The following PUS1 variants were observed in gnomAD, a reference collection of about 807,000 sequenced individuals.
PUS1 encodes pseudouridylate synthase 1 homolog.
A neutral mutation model predicts 38.5 loss-of-function variants in PUS1; 25 were observed. The ratio of observed to expected loss-of-function variants is 0.65; its 90% CI spans 0.47 to 0.91. The LOEUF is 0.91. Ranked by LOEUF, PUS1 falls within the 40% of genes least tolerant of loss-of-function variation. PUS1 has a pLI of 0.00. For missense variants in PUS1, 597 were observed against 612.3 expected, an observed-to-expected ratio of 0.97 and a Z score of 0.26; for synonymous variants, 282 against 260.4, an observed-to-expected ratio of 1.08 and a Z score of -0.80.
intron 3 of PUS1, chr12:131,934,603 C>G (rs1279630860): frequency 6.6e-6 from 1 of 152,066 alleles, no homozygotes; most frequent in African/African-American, 2.4e-5. Flanking sequence ...TCTAGTATAA[C>G]TTTTCTTACT....
chr12:131,934,310 G>A (rs574200975), intron 3 of PUS1, among the ~76,000 whole-genome samples: 2 of 152,180 alleles, frequency 1.3e-5, no homozygotes, highest in African/African-American at 4.8e-5. Flanking sequence ...CTACCCTGGG[G>A]AGAGGGAGAC....
chr12:131,943,789 C>G lies in PUS1; in HGVS notation c.*203C>G, dbSNP rs1303922163. 5 of 575,314 alleles carry G rather than the reference C, an allele frequency of 8.7e-6. No homozygotes were observed. Among genetic ancestry groups the G allele is most frequent in the Admixed American group, 6.0e-5 (2 of 33,488 alleles). The allele number at this position is 575,314 out of a possible 1,614,324, so 35.6% of individuals were successfully genotyped here. ...GCTCTTGCATTGCATAGATGAACCT[C>G]AGCATGTAAAGAACTATTTTTTTAA... On this transcript the variant is annotated 3_prime_UTR_variant, in exon 6 of 6. Coordinates refer to ENST00000376649, the MANE Select transcript of PUS1 (RefSeq NM_025215.6).
chr12:131,943,944 G>T lies in PUS1; in HGVS notation c.*358G>T. The T allele has an allele frequency of 3.2e-6, 1 of 314,068 alleles. No homozygotes were observed. Among genetic ancestry groups the T allele is most frequent in the Non-Finnish European group, 6.2e-6 (1 of 160,304 alleles). The allele number at this position is 314,068 out of a possible 1,614,324, so 19.5% of individuals were successfully genotyped here. A position where few individuals can be genotyped will look rare whatever the true frequency, so the allele number is the denominator to read the frequency against. ...ACAGCATGGTGTCCCGTTGAGAACA[G>T]ATACGGCTGAACAAAAGAGAAAGGC... On this transcript the variant is annotated 3_prime_UTR_variant, in exon 6 of 6. Coordinates refer to ENST00000376649, the MANE Select transcript of PUS1 (RefSeq NM_025215.6).
intron 3 of PUS1, among the ~76,000 whole-genome samples, chr12:131,937,628 G>A (rs550978858): frequency 1.7e-4 from 26 of 152,270 alleles, no homozygotes; most frequent in Admixed American, 1.6e-3. Context: ...CGCCTGCCCC[G>A]GCTTCCCAAA....
intron 3 of PUS1, among the ~76,000 whole-genome samples, chr12:131,935,888 C>T (rs1250909813): frequency 6.6e-6 from 1 of 151,984 alleles, no homozygotes; most frequent in Non-Finnish European, 1.5e-5. Flanking sequence ...GTTTTTGTTT[C>T]AGATTTTAAA....
At chr12:131,940,181 A>G (rs1180940418) in intron 4 of PUS1, among the ~76,000 whole-genome samples, 1 of 151,734 alleles carries the variant, frequency 6.6e-6, no homozygotes, top group African/African-American at 2.4e-5. Flanking sequence ...GGCACACGCC[A>G]CCACAGCCGG....
At chr12:131,936,559 G>A (rs1044221858) in intron 3 of PUS1, among the ~76,000 whole-genome samples, 1 of 144,464 alleles carries the variant, frequency 6.9e-6, no homozygotes, top group African/African-American at 2.8e-5. Flanking sequence ...GTGAAACTCC[G>A]TCTCAAAAAA....
At position 131,943,805 on chromosome 12, in the gene PUS1, A is replaced by G. The variant is rs1255689450; in HGVS notation, c.*219A>G. ...GATGAACCTCAGCATGTAAAGAACT[A>G]TTTTTTTAAAGAAGTGATTTTCTTA... On this transcript the variant is annotated 3_prime_UTR_variant, in exon 6 of 6. Coordinates refer to ENST00000376649, the MANE Select transcript of PUS1 (RefSeq NM_025215.6). 1.8e-5 allele frequency: 10 copies of G among 542,808 alleles called. No individual in the cohort carries two copies. The highest frequency in any genetic ancestry group is 9.3e-5 in the East Asian group (3 of 32,104). The allele number at this position is 542,808 out of a possible 1,614,324, so 33.6% of individuals were successfully genotyped here.
intron 4 of PUS1, 111 bp downstream of exon 4, chr12:131,939,386 T>G: frequency 1.3e-6 from 1 of 777,300 alleles, no homozygotes; most frequent in Non-Finnish European, 2.2e-6. Context: ...AGAAGCGTAG[T>G]CAGAGTTGCT....
At chr12:131,938,106 A>G (rs565453685) in intron 3 of PUS1, among the ~76,000 whole-genome samples, 115 of 152,250 alleles carry the variant, frequency 7.6e-4, no homozygotes, top group African/African-American at 2.6e-3. Context: ...TAGGATCATT[A>G]GTGGCATTCA....
chr12:131,929,806 G>A lies in PUS1; in HGVS notation c.74+10G>A, dbSNP rs1469969867. 17 of 1,571,302 alleles carry A rather than the reference G, an allele frequency of 1.1e-5. No homozygotes were observed. Among genetic ancestry groups the A allele is most frequent in the Non-Finnish European group, 1.5e-5 (17 of 1,169,040 alleles). ...GACCGCGTCCGTCCTGGTAATGACC[G>A]CGACGCCGGGCGACCCCGCTATGCC... On this transcript the variant is annotated intron_variant, in intron 1 of 5. Coordinates refer to ENST00000376649, the MANE Select transcript of PUS1 (RefSeq NM_025215.6).
In PUS1 at chr12:131,929,308, G is replaced by A. The variant is rs889381662; in HGVS notation, c.-415G>A. ...CGCGTCGCGAATGGGGCAGGAGCGA[G>A]CCTCTCTGGTCCCGACGCGGGTGGC... On this transcript the variant is annotated 5_prime_UTR_variant, in exon 1 of 6. Coordinates refer to ENST00000376649, the MANE Select transcript of PUS1 (RefSeq NM_025215.6). 10 of 195,526 alleles carry A rather than the reference G, an allele frequency of 5.1e-5. No individual in the cohort carries two copies. Among genetic ancestry groups the A allele is most frequent in the Non-Finnish European group, 3.1e-5 (3 of 96,674 alleles). 12.1% of individuals were successfully genotyped at this position (195,526 alleles called of 1,614,324 possible).
intron 3 of PUS1, among the ~76,000 whole-genome samples, chr12:131,935,482 T>A (rs1411461497): frequency 2.0e-5 from 3 of 152,196 alleles, no homozygotes; most frequent in Non-Finnish European, 4.4e-5. Flanking sequence ...CACACCCGAG[T>A]GCCCTGCCCT....
chr12:131,938,787 TC>T (rs1890941479), intron 3 of PUS1, among the ~76,000 whole-genome samples: 1 of 150,500 alleles, frequency 6.6e-6, no homozygotes, highest in African/African-American at 2.4e-5. Flanking sequence ...AGTGGCACGA[TC>T]TCAGCTCACT....
Position 131,941,208 on chromosome 12 carries a change from G to C in PUS1, c.545-84G>C. The C allele has an allele frequency of 1.6e-6, 2 of 1,219,850 alleles. No homozygotes were observed. The highest frequency in any genetic ancestry group is 2.4e-6 in the Non-Finnish European group (2 of 840,640). The allele number at this position is 1,219,850 out of a possible 1,614,324, so 75.6% of individuals were successfully genotyped here. A position where few individuals can be genotyped will look rare whatever the true frequency, so the allele number is the denominator to read the frequency against. ...CGGTGCTCTGGGTAAGGAGACGCTG[G>C]GGCTCACGCCGTGCTCAGGCTGCTC... On this transcript the variant is annotated intron_variant, in intron 4 of 5. Transcript: ENST00000376649. This position sits in a 1 kb window ranked among gnomAD's most constrained non-coding sequence, Gnocchi z 4.4.
intron 5 of PUS1, 85 bp from the exon 6 acceptor site, chr12:131,943,454 C>A: frequency 8.7e-7 from 1 of 1,145,640 alleles, no homozygotes; most frequent in Non-Finnish European, 1.3e-6. Context: ...GCTCCTGTGC[C>A]AAGCCTGTCA....
chr12:131,941,442 TCAACA>T lies in PUS1; in HGVS notation c.696_700del (p.Asn233AlafsTer77), dbSNP rs1891060896. ...CTGAGCGCCGAGACGCTGCAGCAGG[TCAACA>T]GGCTCCTGGCCTGCTACAAGGGCAC... On this transcript the variant is annotated frameshift_variant, in exon 5 of 6. Transcript: ENST00000376649. LOFTEE classifies it high-confidence loss of function. This position sits in a 1 kb window ranked among gnomAD's most constrained non-coding sequence, Gnocchi z 4.4. The T allele has an allele frequency of 6.2e-7, 1 of 1,613,082 alleles. No individual in the cohort carries two copies. Among genetic ancestry groups the T allele is most frequent in the Non-Finnish European group, 8.5e-7 (1 of 1,179,256 alleles).
intron 3 of PUS1, among the ~76,000 whole-genome samples, chr12:131,936,738 A>G (rs1890852901): frequency 6.6e-6 from 1 of 152,114 alleles, no homozygotes; most frequent in East Asian, 1.9e-4. Context: ...AAGATACAAA[A>G]ATTAGCAAGG....
At chr12:131,934,270 C>T (rs1890730357) in intron 3 of PUS1, among the ~76,000 whole-genome samples, 1 of 152,188 alleles carries the variant, frequency 6.6e-6, no homozygotes, top group Non-Finnish European at 1.5e-5. Flanking sequence ...AGGCCTCCCA[C>T]AAGAGGTGGT....
Sources: gnomAD v4.1 joint callset for allele counts (sites outside exome capture counted in the v4.1 genomes callset) on GRCh38, gnomAD v4.1.1 for gene constraint, Gnocchi (gnomAD v3.1) non-coding constraint, MANE v1.5 for transcripts, NCBI Gene and HGNC (gene_info 2026-07-23, HGNC 2026-07-21) for gene names.